The following SPATA1 variants were observed in gnomAD, a reference collection of about 807,000 sequenced individuals.
The protein encoded by SPATA1 is spermatogenesis associated 1.
A neutral mutation model predicts 59.6 loss-of-function variants in SPATA1; 57 were observed. The ratio of observed to expected loss-of-function variants is 0.96; its 90% CI spans 0.77 to 1.19. The LOEUF (loss-of-function observed/expected upper bound fraction) is 1.19, where lower values mean the gene tolerates loss of function less well. Among genes scored for constraint, SPATA1 ranks in the 50% most tolerant of loss-of-function variants. The probability of loss-of-function intolerance (pLI) is 0.00; values close to 1 mark genes in which losing one functional copy is unlikely to be tolerated. For synonymous variants in SPATA1, 147 were observed against 163.9 expected (o/e 0.90, Z 0.79); for missense variants, 448 against 480.7 (o/e 0.93, Z 0.64).
At chr1:84,560,125 GAAAGAAAGGAAA>G (rs1195308922) in intron 4 of SPATA1, among the ~76,000 whole-genome samples, 41 of 134,618 alleles carry the variant, frequency 3.0e-4, no homozygotes, top group African/African-American at 1.1e-3. Flanking sequence ...AAGAAAGAAA[GAAAGAAAGGAAA>G]GAAAGAAAGA....
At chr1:84,549,753 T>C (rs1012171081) in intron 11 of SPATA1, 2 of 152,078 alleles carry the variant, frequency 1.3e-5, no homozygotes, top group Admixed American at 6.6e-5. Flanking sequence ...ATGTTAACTA[T>C]GATTAAAAGT....
chr1:84,545,814 A>C, intron 10 of SPATA1, 55 bp downstream of exon 10: 1 of 1,241,898 alleles, frequency 8.1e-7, no homozygotes, highest in East Asian at 3.0e-5. Flanking sequence ...GTTTTACAGA[A>C]TTGATCCTTT....
At chr1:84,523,820 T>G (rs1026714447) in intron 4 of SPATA1, among the ~76,000 whole-genome samples, 4 of 152,114 alleles carry the variant, frequency 2.6e-5, no homozygotes, top group Admixed American at 2.0e-4. Context: ...AATTTTTTGT[T>G]CTTTTCATGG....
At chr1:84,513,202 C>A (rs1353255782) in intron 1 of SPATA1, among the ~76,000 whole-genome samples, 2 of 152,224 alleles carry the variant, frequency 1.3e-5, no homozygotes, top group Non-Finnish European at 2.9e-5. Flanking sequence ...TCGGCGCAAT[C>A]TCGGCTCTCC....
intron 6 of SPATA1, among the ~76,000 whole-genome samples, chr1:84,530,313 G>C (rs1443612708): frequency 1.3e-5 from 2 of 152,104 alleles, no homozygotes; most frequent in Admixed American, 1.3e-4. Flanking sequence ...AAGCTTTCAG[G>C]ATTTACTTAA....
chr1:84,559,547 A>C (rs901804129), intron 4 of SPATA1, among the ~76,000 whole-genome samples: 4 of 152,064 alleles, frequency 2.6e-5, no homozygotes, highest in African/African-American at 4.8e-5. Context: ...ACTTACACCT[A>C]GGAGGCAGAG....
intron 8 of SPATA1, among the ~76,000 whole-genome samples, chr1:84,540,710 T>C (rs1258993055): frequency 6.6e-6 from 1 of 152,250 alleles, no homozygotes; most frequent in Non-Finnish European, 1.5e-5. Flanking sequence ...AAGCTCAGCC[T>C]ATACTAGGAA....
At chr1:84,540,260 T>A (rs2101989730) in intron 8 of SPATA1, among the ~76,000 whole-genome samples, 1 of 152,284 alleles carries the variant, frequency 6.6e-6, no homozygotes, top group South Asian at 2.1e-4. Context: ...GTCATTTTAT[T>A]TTATATTTAC....
At chr1:84,507,631 A>G (rs992165500) in intron 1 of SPATA1, among the ~76,000 whole-genome samples, 3 of 152,244 alleles carry the variant, frequency 2.0e-5, no homozygotes, top group Non-Finnish European at 4.4e-5. Context: ...TGTTGACTGT[A>G]TAATGCTAAA....
At chr1:84,531,426 G>A (rs906123407) in intron 6 of SPATA1, among the ~76,000 whole-genome samples, 15 of 152,010 alleles carry the variant, frequency 9.9e-5, no homozygotes, top group Admixed American at 2.6e-4. Flanking sequence ...GCCTCCCAAA[G>A]TCCTGGGATT....
exon 2 of SPATA1, chr1:84,516,389 A>C (rs1682794745): frequency 6.7e-7 from 1 of 1,489,952 alleles, no homozygotes; most frequent in Non-Finnish European, 8.9e-7. Flanking sequence ...GACCTTCCTC[A>C]TCAGAGGTAA....
intron 4 of SPATA1, among the ~76,000 whole-genome samples, chr1:84,564,359 C>G (rs1684649738): frequency 1.3e-5 from 2 of 152,048 alleles, no homozygotes; most frequent in Non-Finnish European, 2.9e-5. Flanking sequence ...ACTATCAGTC[C>G]TTTTCTTGCC....
At chr1:84,531,336 T>C (rs1683456166) in intron 6 of SPATA1, among the ~76,000 whole-genome samples, 1 of 151,906 alleles carries the variant, frequency 6.6e-6, no homozygotes, top group African/African-American at 2.4e-5. Flanking sequence ...CTAATTTTTA[T>C]ATTTTTAGTA....
At chr1:84,563,492 A>C in intron 4 of SPATA1, 1 of 1,061,854 alleles carries the variant, frequency 9.4e-7, no homozygotes, top group Non-Finnish European at 1.3e-6. Flanking sequence ...AAAATATATA[A>C]ATTATTTAGA....
chr1:84,563,787 A>G, intron 4 of SPATA1: 1 of 1,609,376 alleles, frequency 6.2e-7, no homozygotes, highest in South Asian at 1.1e-5. Context: ...AACACCCATT[A>G]CAAGTTTCTT....
intron 4 of SPATA1, among the ~76,000 whole-genome samples, chr1:84,524,363 G>A (rs1010390280): frequency 1.3e-5 from 2 of 152,116 alleles, no homozygotes; most frequent in Admixed American, 6.6e-5. Flanking sequence ...TGCCAGATTA[G>A]TAGTTTGGAT....
exon 10 of SPATA1, chr1:84,545,752 A>G (rs767904750): frequency 2.6e-6 from 4 of 1,512,452 alleles, no homozygotes; most frequent in Non-Finnish European, 2.6e-6. Flanking sequence ...AATTAAAACG[A>G]TATCATGGTA....
chr1:84,544,074 A>G, intron 8 of SPATA1, 128 bp from the exon 9 acceptor site: 1 of 637,572 alleles, frequency 1.6e-6, no homozygotes, highest in South Asian at 1.9e-5. Context: ...ATAAATACAA[A>G]ATTTGGAGTT....
intron 4 of SPATA1, chr1:84,563,831 TCCTAGTCAAGC>T (rs1216659331): frequency 6.2e-7 from 1 of 1,602,390 alleles, no homozygotes. Context: ...AGTCATTATA[TCCTAGTCAAGC>T]AGGAGAGAAA....
Sources: gnomAD v4.1 joint callset for allele counts (sites outside exome capture counted in the v4.1 genomes callset) on GRCh38, gnomAD v4.1.1 for gene constraint, MANE v1.5 for transcripts, NCBI Gene and HGNC (gene_info 2026-07-23, HGNC 2026-07-21) for gene names.